Variants in SH2D1A observed in about 807,000 individuals in gnomAD.
SH2D1A encodes the protein SH2 domain-containing protein 1A.
In SH2D1A, 6 loss-of-function variants were observed where a neutral mutation model predicts 10.1. That is an observed-to-expected ratio of 0.60 (90% CI 0.33 to 1.18). The LOEUF (loss-of-function observed/expected upper bound fraction) is 1.18, where lower values mean the gene tolerates loss of function less well. Among genes scored for constraint, SH2D1A ranks in the 50% most tolerant of loss-of-function variants. The pLI is 0.04. For missense variants in SH2D1A, 51 were observed against 97.6 expected (o/e 0.52, Z 2.01); for synonymous variants, 42 against 36.9 (o/e 1.14, Z -0.51).
At chrX:124,354,478 A>G (rs2060021954) in intron 1 of SH2D1A, among the ~76,000 whole-genome samples, 1 of 111,132 alleles carries the variant, frequency 9.0e-6, no homozygotes, top group Non-Finnish European at 1.9e-5. Flanking sequence ...TCCCTCTAGT[A>G]TAAGAGAGGG....
At chrX:124,365,579 T>C (rs2060052020) in intron 1 of SH2D1A, among the ~76,000 whole-genome samples, 182 bp from the exon 2 acceptor site, 1 of 111,287 alleles carries the variant, frequency 9.0e-6, no homozygotes, top group Non-Finnish European at 1.9e-5. Context: ...CTGGAAACTG[T>C]GGTTGGGCAG....
At position 124,373,071 on chromosome X, in the gene SH2D1A, T is replaced by G. The variant is rs776241152; in HGVS notation, c.*1680T>G. ...ATATGAATTATGTTTGCATGTTCAC[T>G]TCCAAGAGCCTTTTTTTGAAAAAAA... On this transcript the variant is annotated 3_prime_UTR_variant, in exon 4 of 4. Transcript: ENST00000371139. The G allele has an allele frequency of 6.5e-6, 1 of 154,951 alleles. No individual in the cohort carries two copies. The highest frequency in any genetic ancestry group is 3.3e-4 in the South Asian group (1 of 3,001). The allele number at this position is 154,951 out of a possible 1,213,427, so 12.8% of individuals were successfully genotyped here. A position where few individuals can be genotyped will look rare whatever the true frequency, so the allele number is the denominator to read the frequency against.
At chrX:124,348,047 A>G (rs1350798919) in intron 1 of SH2D1A, among the ~76,000 whole-genome samples, 2 of 111,917 alleles carry the variant, frequency 1.8e-5, no homozygotes, top group African/African-American at 6.5e-5. Flanking sequence ...TGCTGGTGCT[A>G]GAAGATTTTT....
At chrX:124,350,335 TA>T (rs1358523781) in intron 1 of SH2D1A, among the ~76,000 whole-genome samples, 1 of 29,461 alleles carries the variant, frequency 3.4e-5, no homozygotes, top group Non-Finnish European at 5.1e-5. Context: ...ATATAATATA[TA>T]ATATATAAAT....
intron 1 of SH2D1A, chrX:124,353,143 T>G (rs111852061): frequency 4.1e-5 from 6 of 146,829 alleles, no homozygotes; most frequent in Middle Eastern, 6.4e-4. Context: ...GTATCAAAAA[T>G]TTTTTTGAAA....
chrX:124,364,734 G>A (rs749534215), intron 1 of SH2D1A, among the ~76,000 whole-genome samples: 3 of 110,871 alleles, frequency 2.7e-5, no homozygotes, highest in Non-Finnish European at 1.9e-5. Flanking sequence ...GGATGGTCTC[G>A]ATCTCCTGAC....
At chrX:124,359,824 G>A (rs1363075565) in intron 1 of SH2D1A, among the ~76,000 whole-genome samples, 1 of 111,780 alleles carries the variant, frequency 8.9e-6, no homozygotes, top group Non-Finnish European at 1.9e-5. Context: ...TCAGTGTCAC[G>A]AATCAAGTAA....
chrX:124,354,077 T>A (rs2060021218), intron 1 of SH2D1A, among the ~76,000 whole-genome samples: 1 of 112,197 alleles, frequency 8.9e-6, no homozygotes, highest in South Asian at 3.7e-4. Context: ...TGGTGCCACA[T>A]TTATCTTCAT....
chrX:124,366,876 A>AAC (rs59536671), intron 2 of SH2D1A, among the ~76,000 whole-genome samples: 7,460 of 86,946 alleles, frequency 0.086, 302 homozygotes, highest in East Asian at 0.19. Flanking sequence ...TATACTGACA[A>AAC]ACACACACAC....
intron 1 of SH2D1A, among the ~76,000 whole-genome samples, chrX:124,359,837 C>T (rs1300897623): frequency 8.9e-6 from 1 of 111,751 alleles, no homozygotes; most frequent in Non-Finnish European, 1.9e-5. Flanking sequence ...TCAAGTAAAT[C>T]TGAATAGTGT....
intron 2 of SH2D1A, among the ~76,000 whole-genome samples, chrX:124,366,840 T>C (rs2060056171): frequency 9.3e-6 from 1 of 107,729 alleles, no homozygotes; most frequent in Non-Finnish European, 1.9e-5. Flanking sequence ...AATTAAACTT[T>C]ATTATGAAGA....
At chrX:124,360,560 C>T (rs148408749) in intron 1 of SH2D1A, among the ~76,000 whole-genome samples, 1,525 of 96,177 alleles carry the variant, frequency 0.016, 41 homozygotes, top group African/African-American at 0.056. Context: ...CTATGATCAC[C>T]CTACTGTACT....
chrX:124,361,099 C>T (rs951322959), intron 1 of SH2D1A, among the ~76,000 whole-genome samples: 5 of 111,781 alleles, frequency 4.5e-5, no homozygotes, highest in Non-Finnish European at 9.4e-5. Flanking sequence ...TAAATTCACA[C>T]GTTTAAACCC....
Position 124,370,195 on chromosome X carries a change from A to G in SH2D1A, c.221A>G (p.Lys74Arg). The part of the protein sequence containing the change: ...WSAETAPGVH[K>R]RYFRKIKNLI... ...TTCCAGACAGCACCTGGGGTACATA[A>G]AAGATATTTCCGGAAAATAAAAAAT... The change falls in exon 3 of 4, where the codon AAA (lysine) becomes AGA (arginine). Residue 74 changes from lysine to arginine, a missense_variant. Lys to Arg is a conservative substitution (Grantham distance 26). Coordinates refer to ENST00000371139, the MANE Select transcript of SH2D1A (RefSeq NM_002351.5). 8.3e-7 allele frequency: 1 copy of G among 1,205,036 alleles called. No individual in the cohort carries two copies. The highest frequency in any genetic ancestry group is 1.1e-6 in the Non-Finnish European group (1 of 889,371).
chrX:124,366,876 AACACACACACACACAC>A (rs59536671), intron 2 of SH2D1A, among the ~76,000 whole-genome samples: 3 of 87,086 alleles, frequency 3.4e-5, no homozygotes, highest in Non-Finnish European at 6.9e-5. Context: ...TATACTGACA[AACACACACACACACAC>A]ACACACACAC....
chrX:124,355,259 C>T (rs2060023519), intron 1 of SH2D1A, among the ~76,000 whole-genome samples: 1 of 94,880 alleles, frequency 1.1e-5, no homozygotes, highest in Non-Finnish European at 2.1e-5. Context: ...CAACACTGAC[C>T]CACTGAGAAA....
chrX:124,356,080 T>A (rs1490934721), intron 1 of SH2D1A, among the ~76,000 whole-genome samples: 1 of 78,205 alleles, frequency 1.3e-5, no homozygotes, highest in Non-Finnish European at 2.3e-5. Context: ...CAGGCCCCAG[T>A]GTGTGATGTT....
At chrX:124,352,278 G>A (rs1212747155) in intron 1 of SH2D1A, among the ~76,000 whole-genome samples, 1 of 111,042 alleles carries the variant, frequency 9.0e-6, no homozygotes, top group African/African-American at 3.3e-5. Context: ...TTTGCTAGCC[G>A]ACTTTACCAT....
chrX:124,355,028 A>G (rs1391948135), intron 1 of SH2D1A, among the ~76,000 whole-genome samples: 1 of 112,958 alleles, frequency 8.9e-6, no homozygotes, highest in Non-Finnish European at 1.9e-5. Flanking sequence ...CTCTGGATAT[A>G]AAAGTTCTGA....
Sources: gnomAD v4.1 joint callset for allele counts (sites outside exome capture counted in the v4.1 genomes callset) on GRCh38, gnomAD v4.1.1 for gene constraint, MANE v1.5 for transcripts, NCBI Gene and HGNC (gene_info 2026-07-23, HGNC 2026-07-21) for gene names.